Variants in FGF12 observed in about 807,000 individuals in gnomAD.
FGF12 encodes the protein fibroblast growth factor 12.
FGF12 carries 14 observed loss-of-function variants against 23.6 expected under a neutral mutation model. That is an observed-to-expected ratio of 0.59 (90% CI 0.39 to 0.93). The LOEUF is 0.93. Ranked by LOEUF, FGF12 falls within the 40% of genes least tolerant of loss-of-function variation. The pLI is 0.00. For synonymous variants in FGF12, 62 were observed against 77.3 expected (o/e 0.80, Z 1.04); for missense variants, 175 against 217.8 (o/e 0.80, Z 1.24).
Position 192,360,089 on chromosome 3 carries a change from G to A in FGF12, c.124+339C>T, listed in dbSNP as rs112627459. ...TAACTTGTTCATCACTTGGTTCCGG[G>A]ATTTAAATACCATCTTGTGTTGGAA... is the stretch of plus-strand genomic sequence containing the variant. On this transcript the variant is annotated intron_variant, in intron 3 of 5. Transcript: ENST00000445105. This position sits in a 1 kb window ranked among gnomAD's most constrained non-coding sequence, Gnocchi z 4.3. Among the ~76,000 whole-genome samples the A allele has an allele frequency of 6.6e-6, 1 of 151,980 alleles. No homozygotes were observed. Among genetic ancestry groups the A allele is most frequent in the Non-Finnish European group, 1.5e-5 (1 of 68,026 alleles).
chr3:192,289,678 T>C (rs1714654089), intron 4 of FGF12, among the ~76,000 whole-genome samples: 1 of 152,132 alleles, frequency 6.6e-6, no homozygotes, highest in South Asian at 2.1e-4. Flanking sequence ...CTTTTAACTT[T>C]TGTTTATTCA....
intron 2 of FGF12, among the ~76,000 whole-genome samples, chr3:192,671,456 C>T (rs1334565022): frequency 6.6e-6 from 1 of 152,114 alleles, no homozygotes; most frequent in African/African-American, 2.4e-5. Context: ...ATGTATTGGT[C>T]ATGTTCTCTA....
intron 2 of FGF12, among the ~76,000 whole-genome samples, chr3:192,680,438 G>A (rs1038787820): frequency 5.9e-5 from 9 of 152,186 alleles, no homozygotes; most frequent in Non-Finnish European, 8.8e-5. Flanking sequence ...GGTGGCCTTC[G>A]GTTGGGAGGT....
chr3:192,391,123 A>C (rs1325392218), intron 2 of FGF12, among the ~76,000 whole-genome samples: 5 of 152,212 alleles, frequency 3.3e-5, no homozygotes, highest in Admixed American at 3.3e-4. Context: ...CATGAGCCGA[A>C]GGAGGACAAA....
intron 2 of FGF12, among the ~76,000 whole-genome samples, chr3:192,496,555 C>CAA (rs1723963428): frequency 1.3e-5 from 2 of 152,176 alleles, no homozygotes; most frequent in Non-Finnish European, 2.9e-5. Context: ...CATCATCTCA[C>CAA]ATTCCCTTAC....
chr3:192,576,531 G>C (rs1401113972), intron 2 of FGF12, among the ~76,000 whole-genome samples: 2 of 152,188 alleles, frequency 1.3e-5, no homozygotes, highest in East Asian at 3.8e-4. Flanking sequence ...GAAAGGTACT[G>C]AGGGGAAATC....
intron 4 of FGF12, among the ~76,000 whole-genome samples, chr3:192,249,178 C>A (rs1442905448): frequency 1.3e-5 from 2 of 152,016 alleles, no homozygotes; most frequent in African/African-American, 2.4e-5. Context: ...AACTCCCATC[C>A]AAGGTCCCTA....
At chr3:192,422,896 C>T (rs1158251605) in intron 2 of FGF12, among the ~76,000 whole-genome samples, 1 of 152,092 alleles carries the variant, frequency 6.6e-6, no homozygotes, top group Non-Finnish European at 1.5e-5. Flanking sequence ...TATGATAGCT[C>T]TTCTTTTTTG....
At chr3:192,645,964 G>A (rs768763751) in intron 2 of FGF12, among the ~76,000 whole-genome samples, 2 of 151,894 alleles carry the variant, frequency 1.3e-5, no homozygotes, top group Non-Finnish European at 2.9e-5. Context: ...AGTAGGAGAT[G>A]GTCAGAGCCT....
At chr3:192,529,855 G>T (rs1013108772) in intron 2 of FGF12, among the ~76,000 whole-genome samples, 4 of 151,806 alleles carry the variant, frequency 2.6e-5, no homozygotes, top group African/African-American at 9.7e-5. Context: ...TACTTCCCAT[G>T]GGGTCCCTCC....
Position 192,378,054 on chromosome 3 carries a change from C to CTTTCT in FGF12, c.14-17521_14-17517dup, listed in dbSNP as rs1171134341. Among the ~76,000 whole-genome samples the CTTTCT allele has an allele frequency of 1.9e-5, 2 of 107,906 alleles. 1 individual carries two copies. The highest frequency in any genetic ancestry group is 3.4e-5 in the Non-Finnish European group (2 of 59,484). 70.8% of individuals were successfully genotyped at this position (107,906 alleles called of 152,430 possible). A position where few individuals can be genotyped will look rare whatever the true frequency, so the allele number is the denominator to read the frequency against. On this transcript the variant is annotated intron_variant, in intron 2 of 5. Transcript: ENST00000445105. ...TCTTTCTTTCTTTCTTTCTTTCTTT[C>CTTTCT]TTTCTTTCTTTCTTTCTTTCTTTCT...
At chr3:192,159,595 G>A (rs1577187220) in intron 5 of FGF12, among the ~76,000 whole-genome samples, 4 of 152,276 alleles carry the variant, frequency 2.6e-5, no homozygotes, top group Admixed American at 2.6e-4. Context: ...ATTCTATAAT[G>A]TGAGAAAGTT....
intron 2 of FGF12, among the ~76,000 whole-genome samples, chr3:192,511,463 C>T (rs1281843898): frequency 1.3e-5 from 2 of 152,180 alleles, no homozygotes; most frequent in Non-Finnish European, 2.9e-5. Flanking sequence ...TTTCCCCTGA[C>T]TACATTTTGA....
At chr3:192,310,534 C>A (rs1386231871) in intron 4 of FGF12, among the ~76,000 whole-genome samples, 1 of 152,060 alleles carries the variant, frequency 6.6e-6, no homozygotes, top group Admixed American at 6.6e-5. Context: ...ATGTACATTG[C>A]AGAATTGATA....
chr3:192,178,874 AAAGG>A (rs1197269323), intron 4 of FGF12, among the ~76,000 whole-genome samples: 1 of 152,240 alleles, frequency 6.6e-6, no homozygotes, highest in Non-Finnish European at 1.5e-5. Flanking sequence ...TGTAAGAAAG[AAAGG>A]AATCAAAAAC....
At chr3:192,683,053 G>A (rs140575224) in intron 2 of FGF12, among the ~76,000 whole-genome samples, 35 of 152,240 alleles carry the variant, frequency 2.3e-4, no homozygotes, top group South Asian at 1.5e-3. Context: ...CTTCTGAATC[G>A]TATCCCTAAT....
At chr3:192,630,174 C>T (rs561055652) in intron 2 of FGF12, among the ~76,000 whole-genome samples, 6 of 152,148 alleles carry the variant, frequency 3.9e-5, no homozygotes, top group Non-Finnish European at 7.4e-5. Context: ...CCATGTGATG[C>T]GCCTGGTCCC....
chr3:192,559,890 C>T (rs1484362319), intron 2 of FGF12, among the ~76,000 whole-genome samples: 2 of 152,046 alleles, frequency 1.3e-5, no homozygotes, highest in Non-Finnish European at 2.9e-5. Flanking sequence ...CTATCTCAAC[C>T]ATTTTAACCT....
intron 2 of FGF12, among the ~76,000 whole-genome samples, chr3:192,414,373 G>T (rs1721282773): frequency 6.6e-6 from 1 of 152,146 alleles, no homozygotes; most frequent in South Asian, 2.1e-4. Context: ...AATTGCCAGA[G>T]TTCAGATTCA....
Sources: gnomAD v4.1 joint callset for allele counts (sites outside exome capture counted in the v4.1 genomes callset) on GRCh38, gnomAD v4.1.1 for gene constraint, Gnocchi (gnomAD v3.1) non-coding constraint, MANE v1.5 for transcripts, NCBI Gene and HGNC (gene_info 2026-07-23, HGNC 2026-07-21) for gene names.